Variants in SERPINA9 observed in about 807,000 individuals in gnomAD.
SERPINA9 encodes the protein serpin family A member 9, also known as serpin A9.
Under a neutral mutation model 24.5 loss-of-function variants are expected in SERPINA9, and 32 were observed. That is an observed-to-expected ratio of 1.30 (90% CI 0.98 to 1.75). The LOEUF (loss-of-function observed/expected upper bound fraction) is 1.75. Ranked by LOEUF, SERPINA9 falls within the 40% of genes most tolerant of loss-of-function variation. The pLI, the probability that SERPINA9 is intolerant of heterozygous loss-of-function variation, is 0.00. For synonymous variants in SERPINA9, 233 were observed against 197.7 expected, an observed-to-expected ratio of 1.18 and a Z score of -1.50; for missense variants, 594 against 497.1, an observed-to-expected ratio of 1.19 and a Z score of -1.85.
intron 1 of SERPINA9, among the ~76,000 whole-genome samples, chr14:94,472,343 A>C (rs777326021): frequency 6.6e-6 from 1 of 151,318 alleles, no homozygotes; most frequent in South Asian, 2.1e-4. Context: ...CTTGTTTCTC[A>C]CTCTGGAAGA....
At position 94,467,153 on chromosome 14, in the gene SERPINA9, C is replaced by A. The variant is rs1263985620; in HGVS notation, c.858G>T (p.Leu286Phe). The change falls in exon 3 of 5, where the codon TTG becomes TTT. Residue 286 changes from leucine (L) to phenylalanine (F), a missense_variant. Coordinates refer to ENST00000674397, the MANE Select transcript of SERPINA9 (RefSeq NM_175739.4). ...TCCACTTTCTCAGTGTTCTGGCTGA[C>A]AAGGCCTGTTCCAGTTGCCTCATCT... ...KGKMRQLEQA[L>F]SARTLRKWSH... The A allele has an allele frequency of 1.9e-6, 3 of 1,614,182 alleles. No individual in the cohort carries two copies. The highest frequency in any genetic ancestry group is 2.5e-6 in the Non-Finnish European group (3 of 1,180,018).
intron 1 of SERPINA9, 154 bp from the exon 2 acceptor site, chr14:94,470,011 TC>T (rs1352405829): frequency 4.5e-6 from 3 of 673,008 alleles, no homozygotes; most frequent in Admixed American, 7.1e-5. Flanking sequence ...CTCACAATAT[TC>T]CCATGATGTA....
chr14:94,464,465 G>A (rs1898897586), intron 4 of SERPINA9: 1 of 554,422 alleles, frequency 1.8e-6, no homozygotes, highest in African/African-American at 1.9e-5. Context: ...TCCTGCAGCA[G>A]GCATGGGGGA....
chr14:94,475,930 C>A (rs144430877), intron 1 of SERPINA9: 4 of 643,532 alleles, frequency 6.2e-6, no homozygotes, highest in Non-Finnish European at 1.1e-5. Flanking sequence ...TTACCTCCAA[C>A]TCACTCACTG....
intron 1 of SERPINA9, chr14:94,475,809 C>CA: frequency 2.3e-6 from 1 of 433,600 alleles, no homozygotes. Flanking sequence ...GACACAACAA[C>CA]AAAAACACTC....
intron 4 of SERPINA9, 52 bp from the exon 5 acceptor site, chr14:94,463,348 A>G: frequency 1.3e-6 from 2 of 1,499,762 alleles, no homozygotes; most frequent in Non-Finnish European, 1.9e-6. Flanking sequence ...ACTTTTACTT[A>G]ACTGAGTAAA....
At chr14:94,475,987 G>C in intron 1 of SERPINA9, 149 bp downstream of exon 1, 2 of 1,166,796 alleles carry the variant, frequency 1.7e-6, no homozygotes, top group African/African-American at 1.5e-5. Flanking sequence ...TGACCCAGAT[G>C]CTACTAAAAG....
chr14:94,470,706 G>A (rs11160183), intron 1 of SERPINA9, among the ~76,000 whole-genome samples: 24,203 of 152,168 alleles, frequency 0.16, 2,230 homozygotes, highest in Non-Finnish European at 0.2. Flanking sequence ...TGTGCAGCAC[G>A]GGACCCAGCA....
intron 2 of SERPINA9, 101 bp downstream of exon 2, chr14:94,469,112 C>A (rs1359752104): frequency 4.7e-6 from 5 of 1,058,138 alleles, no homozygotes. Context: ...ATTTCTCCAC[C>A]CTGCAGTCTA....
intron 4 of SERPINA9, 102 bp downstream of exon 4, chr14:94,464,605 C>A: frequency 9.8e-7 from 1 of 1,024,812 alleles, no homozygotes; most frequent in African/African-American, 1.6e-5. Flanking sequence ...CTGACTTCAC[C>A]TTTCAGGCCT....
At chr14:94,471,826 C>G (rs1348056160) in intron 1 of SERPINA9, among the ~76,000 whole-genome samples, 1 of 152,130 alleles carries the variant, frequency 6.6e-6, no homozygotes, top group Non-Finnish European at 1.5e-5. Context: ...TTCGGCCACC[C>G]TCCTTCCCCA....
chr14:94,472,352 G>C (rs1171738962), intron 1 of SERPINA9, among the ~76,000 whole-genome samples: 1 of 151,830 alleles, frequency 6.6e-6, no homozygotes, highest in African/African-American at 2.4e-5. Flanking sequence ...CACTCTGGAA[G>C]ACTCTACTTA....
intron 1 of SERPINA9, among the ~76,000 whole-genome samples, chr14:94,473,431 A>G (rs185306803): frequency 2.6e-5 from 4 of 151,624 alleles, no homozygotes; most frequent in Admixed American, 2.0e-4. Flanking sequence ...AGACAGGAGA[A>G]TCACTTGAAC....
intron 1 of SERPINA9, among the ~76,000 whole-genome samples, chr14:94,471,985 C>G (rs898948556): frequency 6.6e-6 from 1 of 152,108 alleles, no homozygotes; most frequent in African/African-American, 2.4e-5. Flanking sequence ...TTCCTCAAAA[C>G]GTTTTTCTTA....
chr14:94,471,770 A>G (rs1015740829), intron 1 of SERPINA9, among the ~76,000 whole-genome samples: 2 of 151,840 alleles, frequency 1.3e-5, no homozygotes, highest in Admixed American at 6.6e-5. Flanking sequence ...CATTTTACCC[A>G]TGCTGCCATC....
chr14:94,473,866 G>A (rs1019089054), intron 1 of SERPINA9, among the ~76,000 whole-genome samples: 2 of 152,334 alleles, frequency 1.3e-5, no homozygotes, highest in African/African-American at 2.4e-5. Flanking sequence ...CATTGTCCTC[G>A]AATTGCTTCA....
At position 94,462,866 on chromosome 14, in the gene SERPINA9, G is replaced by A; in HGVS notation, c.*227C>T. The stretch of plus-strand genomic sequence containing the variant: ...AACCCAGCAACATCCCATGAAGCTA[G>A]TTACCTGGGAGAATTTGTGGAAAAG... On this transcript the variant is annotated 3_prime_UTR_variant, in exon 5 of 5. Coordinates refer to ENST00000674397, the MANE Select transcript of SERPINA9 (RefSeq NM_175739.4). 1 of 531,750 alleles carries A rather than the reference G, an allele frequency of 1.9e-6. No homozygotes were observed. The highest frequency in any genetic ancestry group is 3.4e-6 in the Non-Finnish European group (1 of 294,322). The allele number at this position is 531,750 out of a possible 1,614,324, so 32.9% of individuals were successfully genotyped here. A position where few individuals can be genotyped will look rare whatever the true frequency, so the allele number is the denominator to read the frequency against.
chr14:94,467,284 T>G lies in SERPINA9; in HGVS notation c.727A>C (p.Lys243Gln), dbSNP rs1566791816. 1 of 1,614,154 alleles carries G rather than the reference T, an allele frequency of 6.2e-7. No individual in the cohort carries two copies. The highest frequency in any genetic ancestry group is 8.5e-7 in the Non-Finnish European group (1 of 1,179,978). ...TCCACCCCAAAAGCGAACTGCTCTT[T>G]CTGGTGCATCATGGGGACATGCACA... ...VTVHVPMMHQKEQFAFGVDTE... is the reference protein window; with the variant it reads ...VTVHVPMMHQQEQFAFGVDTE... The change falls in exon 3 of 5, where the codon AAA becomes CAA. Residue 243 changes from lysine (K) to glutamine (Q), a missense_variant. Transcript: ENST00000674397.
Position 94,469,429 on chromosome 14 carries a change from C to T in SERPINA9, c.412G>A (p.Val138Ile), listed in dbSNP as rs768342050. 216 of 1,604,308 alleles carry T rather than the reference C, an allele frequency of 1.3e-4. No homozygotes were observed. Among genetic ancestry groups the T allele is most frequent in the Non-Finnish European group, 1.6e-4 (190 of 1,179,852 alleles). The change falls in exon 2 of 5, where the codon GTC becomes ATC. Residue 138 changes from valine (V) to isoleucine (I), a missense_variant. Coordinates refer to ENST00000674397, the MANE Select transcript of SERPINA9 (RefSeq NM_175739.4). ...LTLKMGSALF[V>I]KKELQLQANF... ...GCCTGCAGCTGCAGCTCCTTCTTGA[C>T]GAAGAGGGCACTTCCCATCTTCAAG...
Sources: gnomAD v4.1 joint callset for allele counts (sites outside exome capture counted in the v4.1 genomes callset) on GRCh38, gnomAD v4.1.1 for gene constraint, MANE v1.5 for transcripts, NCBI Gene and HGNC (gene_info 2026-07-23, HGNC 2026-07-21) for gene names.